Variants in EDNRB observed in about 807,000 individuals in gnomAD.
The protein encoded by EDNRB is Hirschsprung disease 2.
In EDNRB, 18 loss-of-function variants were observed where a neutral mutation model predicts 46.4. That is an observed-to-expected ratio of 0.39 (90% CI 0.27 to 0.57). EDNRB has a LOEUF of 0.57. EDNRB is among the 20% of genes least tolerant of loss of function. The probability of loss-of-function intolerance (pLI) is 0.61; values close to 1 mark genes in which losing one functional copy is unlikely to be tolerated. For synonymous variants in EDNRB, 213 were observed against 204.9 expected, an observed-to-expected ratio of 1.04 and a Z score of -0.34; for missense variants, 434 against 537.5, an observed-to-expected ratio of 0.81 and a Z score of 1.90.
At chr13:77,943,324 G>A (rs1332231571) in intron 1 of EDNRB, among the ~76,000 whole-genome samples, 1 of 152,060 alleles carries the variant, frequency 6.6e-6, no homozygotes, top group African/African-American at 2.4e-5. Context: ...TGACATTAAA[G>A]AAGTCTAAAT....
intron 1 of EDNRB, among the ~76,000 whole-genome samples, chr13:77,954,933 A>G (rs997183442): frequency 2.0e-5 from 3 of 152,198 alleles, no homozygotes; most frequent in African/African-American, 7.2e-5. Flanking sequence ...GAACATAAAA[A>G]TGTAGCTATC....
At chr13:77,899,104 G>T (rs1324466574) in intron 6 of EDNRB, among the ~76,000 whole-genome samples, 1 of 151,772 alleles carries the variant, frequency 6.6e-6, no homozygotes, top group Non-Finnish European at 1.5e-5. Flanking sequence ...CTTATAAAAT[G>T]AGGGTGTTGA....
At chr13:77,961,171 C>T (rs1594399094) in intron 1 of EDNRB, among the ~76,000 whole-genome samples, 1 of 152,134 alleles carries the variant, frequency 6.6e-6, no homozygotes, top group Non-Finnish European at 1.5e-5. Flanking sequence ...AGGAATTGAA[C>T]TCAGCTCTGC....
intron 1 of EDNRB, among the ~76,000 whole-genome samples, chr13:77,945,798 G>A (rs916152825): frequency 1.3e-5 from 2 of 150,214 alleles, no homozygotes; most frequent in Non-Finnish European, 2.9e-5. Context: ...TCACACTAAA[G>A]GCCTATTTCC....
At position 77,897,231 on chromosome 13, in the gene EDNRB, A is replaced by G. The variant is rs1330324507; in HGVS notation, c.*969T>C. ...TGAGCACAGGGCCTGCCCTCATTTA[A>G]TCATCTACATGCAGTGTATGTAGGT... is the stretch of plus-strand genomic sequence containing the variant. On this transcript the variant is annotated 3_prime_UTR_variant, in exon 7 of 7. Coordinates refer to ENST00000646607, the MANE Select transcript of EDNRB (RefSeq NM_001122659.3). 12 of 985,156 alleles carry G rather than the reference A, an allele frequency of 1.2e-5. No homozygotes were observed. Among genetic ancestry groups the G allele is most frequent in the Non-Finnish European group, 1.4e-5 (12 of 829,900 alleles). 61.0% of individuals were successfully genotyped at this position (985,156 alleles called of 1,614,324 possible).
In EDNRB at chr13:77,896,768, C is replaced by T. The variant is rs1313397006; in HGVS notation, c.*1432G>A. ...TCCCCATGGGTTTCCTCCAACCCCA[C>T]CTCATTTCCTCTCTCTTCCGTTTTC... is the stretch of plus-strand genomic sequence containing the variant. On this transcript the variant is annotated 3_prime_UTR_variant, in exon 7 of 7. Transcript: ENST00000646607. The T allele has an allele frequency of 1.5e-6, 2 of 1,331,608 alleles. No individual in the cohort carries two copies. Among genetic ancestry groups the T allele is most frequent in the East Asian group, 6.4e-5 (2 of 31,132 alleles). 82.5% of individuals were successfully genotyped at this position (1,331,608 alleles called of 1,614,324 possible). A position where few individuals can be genotyped will look rare whatever the true frequency, so the allele number is the denominator to read the frequency against.
chr13:77,909,042 G>A (rs1428629254), intron 1 of EDNRB, among the ~76,000 whole-genome samples: 2 of 151,852 alleles, frequency 1.3e-5, no homozygotes, highest in Non-Finnish European at 2.9e-5. Flanking sequence ...GCCTATGTTT[G>A]TGCTGACCCA....
chr13:77,964,089 T>C (rs926255757), intron 1 of EDNRB, among the ~76,000 whole-genome samples: 2 of 152,154 alleles, frequency 1.3e-5, no homozygotes, highest in Non-Finnish European at 2.9e-5. Context: ...TCACACCAGT[T>C]ACAATGGCAA....
chr13:77,965,062 T>A (rs1881542884), intron 1 of EDNRB, among the ~76,000 whole-genome samples: 1 of 152,226 alleles, frequency 6.6e-6, no homozygotes, highest in Non-Finnish European at 1.5e-5. Context: ...TCCTCCTGTC[T>A]TAGCCCTCTT....
intron 1 of EDNRB, among the ~76,000 whole-genome samples, chr13:77,905,359 T>C (rs778384250): frequency 2.3e-4 from 35 of 151,998 alleles, no homozygotes; most frequent in Non-Finnish European, 4.4e-4. Context: ...AATTCATATA[T>C]ATTTTTAAAA....
chr13:77,910,540 T>G (rs181266737), intron 1 of EDNRB, among the ~76,000 whole-genome samples: 6 of 152,106 alleles, frequency 3.9e-5, no homozygotes, highest in African/African-American at 1.4e-4. Context: ...GCTGATCAAG[T>G]GCATGGAAAT....
chr13:77,927,010 C>T (rs997775807), intron 1 of EDNRB, among the ~76,000 whole-genome samples: 3 of 152,224 alleles, frequency 2.0e-5, no homozygotes, highest in African/African-American at 7.2e-5. Flanking sequence ...AAACTGCCCC[C>T]ATGATTCAAA....
At chr13:77,950,036 C>A (rs1245278664) in intron 1 of EDNRB, among the ~76,000 whole-genome samples, 1 of 152,134 alleles carries the variant, frequency 6.6e-6, no homozygotes, top group Non-Finnish European at 1.5e-5. Context: ...GGTTGCAAGC[C>A]AATACCTCGT....
upstream of EDNRB, chr13:77,919,698 A>T: frequency 7.3e-7 from 1 of 1,365,522 alleles, no homozygotes; most frequent in Non-Finnish European, 1.0e-6. Flanking sequence ...CGATGCCTGG[A>T]CAGCATCAGT....
Position 77,898,176 on chromosome 13 carries a change from G to A in EDNRB, c.*24C>T. ...GACTTCGGTCCAATATAAAGAAAATGAAATACAGTGAATAGTTCTTCTTTC... is the reference window on the plus strand; with the variant it reads ...GACTTCGGTCCAATATAAAGAAAATAAAATACAGTGAATAGTTCTTCTTTC... On this transcript the variant is annotated 3_prime_UTR_variant, in exon 7 of 7. Coordinates refer to ENST00000646607, the MANE Select transcript of EDNRB (RefSeq NM_001122659.3). The A allele has an allele frequency of 6.2e-7, 1 of 1,608,778 alleles. No individual in the cohort carries two copies. The highest frequency in any genetic ancestry group is 1.7e-4 in the Middle Eastern group (1 of 6,036).
At chr13:77,940,888 G>C (rs746751047) in intron 1 of EDNRB, among the ~76,000 whole-genome samples, 9 of 152,230 alleles carry the variant, frequency 5.9e-5, no homozygotes, top group Non-Finnish European at 1.0e-4. Context: ...TGTGGTCTCT[G>C]TGTGCGAGTT....
chr13:77,905,768 T>C (rs569158995), intron 1 of EDNRB, among the ~76,000 whole-genome samples: 1 of 152,094 alleles, frequency 6.6e-6, no homozygotes, highest in African/African-American at 2.4e-5. Flanking sequence ...GGCAAGAGCA[T>C]GTGCAAACGC....
At chr13:77,940,703 GTGTGTGTGTGTGTGT>G (rs1594387289) in intron 1 of EDNRB, among the ~76,000 whole-genome samples, 12 of 2,336 alleles carry the variant, frequency 5.1e-3, no homozygotes, top group South Asian at 0.05. Flanking sequence ...TGAATTGGGT[GTGTGTGTGTGTGTGT>G]GTGTGTGTGT....
intron 1 of EDNRB, among the ~76,000 whole-genome samples, chr13:77,913,136 G>A (rs758265962): frequency 1.2e-4 from 19 of 152,146 alleles, no homozygotes; most frequent in Non-Finnish European, 2.9e-5. Flanking sequence ...TGTTCAGAAA[G>A]ATAATCCTGA....
Sources: allele counts gnomAD v4.1 joint callset (sites outside exome capture counted in the v4.1 genomes callset), GRCh38; gene constraint gnomAD v4.1.1; transcripts MANE v1.5; gene names NCBI Gene and HGNC (gene_info 2026-07-23, HGNC 2026-07-21).